The following C2CD2 variants were observed in gnomAD, a reference collection of about 807,000 sequenced individuals.
C2CD2 encodes the protein C2 domain-containing protein 2.
A neutral mutation model predicts 74.3 loss-of-function variants in C2CD2; 43 were observed. The ratio of observed to expected loss-of-function variants is 0.58; its 90% CI spans 0.45 to 0.75. The LOEUF (loss-of-function observed/expected upper bound fraction) is 0.75. C2CD2 is among the 30% of genes least tolerant of loss of function. The pLI is 0.00. For missense variants in C2CD2, 801 were observed against 916.3 expected (o/e 0.87, Z 1.63); for synonymous variants, 422 against 390.7 (o/e 1.08, Z -0.94).
rs1161546123 is a variant in C2CD2, at chr21:41,895,418, A to G, written c.1870+3635T>C. 6.6e-6 allele frequency among the ~76,000 whole-genome samples: 1 copy of G among 152,226 alleles called. No individual in the cohort carries two copies. Among genetic ancestry groups the G allele is most frequent in the Non-Finnish European group, 1.5e-5 (1 of 68,038 alleles). On this transcript the variant is annotated intron_variant, in intron 13 of 13. Transcript: ENST00000380486. The surrounding 1 kb of genome is among the most constrained non-coding windows in gnomAD (Gnocchi z 5.0). ...AGTGAAGTTCACACTACGGTCAACA[A>G]TAGCCGGGGCCATGTTGATTGCATG... is the stretch of plus-strand genomic sequence containing the variant.
At chr21:41,953,011 A>C (rs183126980) in intron 1 of C2CD2, 1 of 255,798 alleles carries the variant, frequency 3.9e-6, no homozygotes, top group African/African-American at 2.2e-5. Context: ...TATCATGTGC[A>C]AGCTCAGTAA....
intron 13 of C2CD2, among the ~76,000 whole-genome samples, chr21:41,896,116 G>A (rs915192759): frequency 6.6e-6 from 1 of 152,190 alleles, no homozygotes; most frequent in Non-Finnish European, 1.5e-5. Context: ...GAGGGAACAC[G>A]AGGCAGGCAG....
At chr21:41,944,879 T>C (rs1213390120) in intron 1 of C2CD2, among the ~76,000 whole-genome samples, 2 of 152,118 alleles carry the variant, frequency 1.3e-5, no homozygotes, top group Non-Finnish European at 2.9e-5. Context: ...TAAAACAGAC[T>C]ATAGAAACCC....
chr21:41,948,157 G>A (rs990662524), intron 1 of C2CD2, among the ~76,000 whole-genome samples: 3 of 152,230 alleles, frequency 2.0e-5, no homozygotes, highest in Non-Finnish European at 2.9e-5. Context: ...AGCTTGTTTT[G>A]CCCAGGCCTG....
At chr21:41,925,685 A>G (rs2065203299) in intron 2 of C2CD2, among the ~76,000 whole-genome samples, 1 of 152,248 alleles carries the variant, frequency 6.6e-6, no homozygotes. Flanking sequence ...GTTATCCACA[A>G]TGGGGATTAA....
intron 11 of C2CD2, among the ~76,000 whole-genome samples, chr21:41,905,079 G>A (rs1297950715): frequency 6.6e-6 from 1 of 151,698 alleles, no homozygotes; most frequent in Non-Finnish European, 1.5e-5. Context: ...CGGTGAGGAC[G>A]ATGTCCTGAG....
chr21:41,937,278 G>C (rs563078724), intron 2 of C2CD2, among the ~76,000 whole-genome samples: 9 of 151,226 alleles, frequency 6.0e-5, no homozygotes, highest in Non-Finnish European at 1.3e-4. Context: ...CACCACGCTC[G>C]GCTAATTTTT....
In C2CD2 at chr21:41,925,321, TA is replaced by T. The variant is rs61121128; in HGVS notation, c.379-3237del. On this transcript the variant is annotated intron_variant, in intron 2 of 13. Coordinates refer to ENST00000380486, the MANE Select transcript of C2CD2 (RefSeq NM_015500.2). ...GGCAACATAGCAAGACTCCATCTCT[TA>T]AAAAAAAAAAAATTAGCCAAGCATG... 5.3e-3 allele frequency among the ~76,000 whole-genome samples: 787 copies of T among 147,414 alleles called. 1 individual carries two copies. Among genetic ancestry groups the T allele is most frequent in the African/African-American group, 6.2e-3 (248 of 40,084 alleles).
rs1465953075 is a variant in C2CD2 at position 41,899,391 on chromosome 21, G to C, written c.1561-29C>G. 3 of 1,587,924 alleles carry C rather than the reference G, an allele frequency of 1.9e-6. No homozygotes were observed. The highest frequency in any genetic ancestry group is 2.7e-5 in the African/African-American group (2 of 74,746). On this transcript the variant is annotated intron_variant, in intron 12 of 13. Transcript: ENST00000380486. The surrounding 1 kb of genome is among the most constrained non-coding windows in gnomAD (Gnocchi z 4.4). ...TCAGGGGCAGTGGGGAAGATGACAA[G>C]GGATACATGAAAGGAAGGGAGGGTT...
intron 1 of C2CD2, among the ~76,000 whole-genome samples, chr21:41,951,158 C>T (rs1466226351): frequency 6.6e-6 from 1 of 152,072 alleles, no homozygotes; most frequent in African/African-American, 2.4e-5. Context: ...TCGCTGGACT[C>T]GGGGCGGCCA....
At chr21:41,938,590 A>G (rs1191395806) in intron 2 of C2CD2, among the ~76,000 whole-genome samples, 1 of 151,836 alleles carries the variant, frequency 6.6e-6, no homozygotes, top group African/African-American at 2.4e-5. Flanking sequence ...GCACCATTCC[A>G]CTTTCTGTCT....
Position 41,912,373 on chromosome 21 carries a change from C to T in C2CD2, c.912G>A (p.Thr304=), listed in dbSNP as rs148517689. 4.3e-6 allele frequency: 7 copies of T among 1,612,610 alleles called. No homozygotes were observed. The highest frequency in any genetic ancestry group is 1.9e-4 in the Middle Eastern group (1 of 5,300). ...DPVQRFSSTL[T]KNTPDLMWEE... The stretch of plus-strand genomic sequence containing the variant: ...CCCACATGAGGTCCGGAGTGTTTTT[C>T]GTCAGGGTGCTGGAGAACCTCTGAA... The change falls in exon 7 of 14, where the codon ACG becomes ACA. Residue 304 remains threonine (T), a synonymous_variant. Transcript: ENST00000380486.
At chr21:41,925,318 T>G (rs2065198481) in intron 2 of C2CD2, among the ~76,000 whole-genome samples, 1 of 140,362 alleles carries the variant, frequency 7.1e-6, no homozygotes, top group East Asian at 2.8e-4. Context: ...AGACTCCATC[T>G]CTTAAAAAAA....
In C2CD2 at chr21:41,939,631, G is replaced by A. The variant is rs545341388; in HGVS notation, c.378+2516C>T. Among the ~76,000 whole-genome samples, 17 of 152,324 alleles carry A rather than the reference G, an allele frequency of 1.1e-4. No individual in the cohort carries two copies. Among genetic ancestry groups the A allele is most frequent in the African/African-American group, 3.8e-4 (16 of 41,572 alleles). ...GGGCCCTCCCAGCTCTCCAGGCTGT[G>A]CCAGTCTCAGCATCCCGCACCGCTG... On this transcript the variant is annotated intron_variant, in intron 2 of 13. Transcript: ENST00000380486. This position sits in a 1 kb window ranked among gnomAD's most constrained non-coding sequence, Gnocchi z 5.5.
chr21:41,907,921 G>T, intron 8 of C2CD2, 137 bp from the exon 9 acceptor site: 1 of 854,932 alleles, frequency 1.2e-6, no homozygotes, highest in East Asian at 2.5e-5. Context: ...TCACGTTTCA[G>T]AATGTTTGAA....
chr21:41,944,538 A>AAAAAGAAAAG (rs1555906447), intron 1 of C2CD2, among the ~76,000 whole-genome samples: 1 of 130,756 alleles, frequency 7.6e-6, no homozygotes, highest in African/African-American at 3.3e-5. Context: ...AAAAAAAAAA[A>AAAAAGAAAAG]AAAAGAAAAG....
chr21:41,899,438 C>G lies in C2CD2; in HGVS notation c.1561-76G>C. 7.5e-7 allele frequency: 1 copy of G among 1,336,988 alleles called. No homozygotes were observed. Among genetic ancestry groups the G allele is most frequent in the Non-Finnish European group, 1.0e-6 (1 of 968,102 alleles). 82.8% of individuals were successfully genotyped at this position (1,336,988 alleles called of 1,614,324 possible). A position where few individuals can be genotyped will look rare whatever the true frequency, so the allele number is the denominator to read the frequency against. ...GGTTTGAAAAGAACTGAAAAGCACT[C>G]TCCAAAACATTCTGACAGCTGATTT... is the stretch of plus-strand genomic sequence containing the variant. On this transcript the variant is annotated intron_variant, in intron 12 of 13. Transcript: ENST00000380486. This position sits in a 1 kb window ranked among gnomAD's most constrained non-coding sequence, Gnocchi z 4.4.
intron 2 of C2CD2, among the ~76,000 whole-genome samples, chr21:41,935,835 C>T (rs1171374014): frequency 6.6e-6 from 1 of 152,008 alleles, no homozygotes; most frequent in Non-Finnish European, 1.5e-5. Flanking sequence ...CAGAGCAAGA[C>T]TCTGTCTCAA....
intron 7 of C2CD2, among the ~76,000 whole-genome samples, chr21:41,910,438 C>T (rs1003943976): frequency 1.3e-5 from 2 of 152,132 alleles, no homozygotes; most frequent in Non-Finnish European, 2.9e-5. Flanking sequence ...TTTAGGTCGA[C>T]GGATGGCATC....
Sources: gnomAD v4.1 joint callset for allele counts (sites outside exome capture counted in the v4.1 genomes callset) on GRCh38, gnomAD v4.1.1 for gene constraint, Gnocchi (gnomAD v3.1) non-coding constraint, MANE v1.5 for transcripts, NCBI Gene and HGNC (gene_info 2026-07-23, HGNC 2026-07-21) for gene names.